The following LRRC72 variants were observed in gnomAD, a reference collection of about 807,000 sequenced individuals.
The protein encoded by LRRC72 is leucine-rich repeat-containing protein 72.
In LRRC72, 41 loss-of-function variants were observed where a neutral mutation model predicts 35.8. The observed-to-expected ratio is 1.15, with a 90% CI of 0.89 to 1.49. The LOEUF is 1.49. Ranked by LOEUF, LRRC72 falls within the 40% of genes most tolerant of loss-of-function variation. The pLI is 0.00. For synonymous variants in LRRC72, 118 were observed against 119.2 expected (o/e 0.99, Z 0.07); for missense variants, 389 against 330.7 (o/e 1.18, Z -1.37).
chr7:16,574,642 C>T (rs1205899487), intron 7 of LRRC72, among the ~76,000 whole-genome samples: 2 of 151,776 alleles, frequency 1.3e-5, no homozygotes, highest in South Asian at 2.1e-4. Context: ...ACACTGGGGC[C>T]TGTCGGGGGC....
chr7:16,542,342 G>T (rs529927038), intron 3 of LRRC72, among the ~76,000 whole-genome samples: 1 of 152,114 alleles, frequency 6.6e-6, no homozygotes, highest in Non-Finnish European at 1.5e-5. Context: ...ATTTTTTCTC[G>T]TGCTTGATTA....
intron 3 of LRRC72, among the ~76,000 whole-genome samples, chr7:16,542,450 G>C (rs138231701): frequency 6.6e-6 from 1 of 152,202 alleles, no homozygotes; most frequent in African/African-American, 2.4e-5. Flanking sequence ...TTAAGGACAT[G>C]TGCCCGTGAC....
At chr7:16,581,244 C>A in intron 8 of LRRC72, 80 bp from the exon 9 acceptor site, 1 of 1,247,088 alleles carries the variant, frequency 8.0e-7, no homozygotes, top group South Asian at 1.9e-5. Flanking sequence ...GGCATTGATT[C>A]ATTTGAATAA....
At chr7:16,575,926 T>C (rs944046518) in intron 7 of LRRC72, among the ~76,000 whole-genome samples, 2 of 152,262 alleles carry the variant, frequency 1.3e-5, no homozygotes, top group African/African-American at 2.4e-5. Context: ...ACATTTCTTT[T>C]GTTTAACCAG....
chr7:16,570,576 T>A (rs1782925708), intron 7 of LRRC72, among the ~76,000 whole-genome samples: 1 of 152,140 alleles, frequency 6.6e-6, no homozygotes, highest in African/African-American at 2.4e-5. Flanking sequence ...CCCAGCACTT[T>A]GGGAGGGCTA....
intron 7 of LRRC72, among the ~76,000 whole-genome samples, chr7:16,576,240 C>T (rs567111821): frequency 1.3e-4 from 20 of 152,164 alleles, no homozygotes; most frequent in South Asian, 4.1e-4. Context: ...ACTAATAAAA[C>T]GCGCTATGTA....
intron 2 of LRRC72, 130 bp from the exon 3 acceptor site, chr7:16,537,497 T>A (rs1221084610): frequency 6.3e-6 from 3 of 476,336 alleles, no homozygotes; most frequent in Non-Finnish European, 1.1e-5. Flanking sequence ...AGCAGGTGAG[T>A]GTGCCAATAA....
intron 1 of LRRC72, among the ~76,000 whole-genome samples, chr7:16,529,189 C>G (rs960963824): frequency 3.3e-5 from 5 of 152,212 alleles, no homozygotes; most frequent in African/African-American, 1.2e-4. Context: ...TTTCTCACAA[C>G]TGCCTTCCAC....
intron 2 of LRRC72, 131 bp downstream of exon 2, chr7:16,532,699 A>G (rs746648748): frequency 1.3e-6 from 1 of 751,740 alleles, no homozygotes; most frequent in Non-Finnish European, 2.4e-6. Flanking sequence ...TTATTTTACC[A>G]CTTCCTGGAA....
chr7:16,571,537 C>G (rs111695220), intron 7 of LRRC72, among the ~76,000 whole-genome samples: 1 of 152,134 alleles, frequency 6.6e-6, no homozygotes, highest in Non-Finnish European at 1.5e-5. Context: ...GTGCAGCCCA[C>G]GGAGGGACAG....
At chr7:16,544,999 T>C (rs1782422243) in intron 3 of LRRC72, among the ~76,000 whole-genome samples, 1 of 152,228 alleles carries the variant, frequency 6.6e-6, no homozygotes, top group Non-Finnish European at 1.5e-5. Flanking sequence ...TCACTCACAC[T>C]GACTAGAGAA....
intron 3 of LRRC72, among the ~76,000 whole-genome samples, chr7:16,543,158 T>C (rs1782386748): frequency 6.6e-6 from 1 of 152,234 alleles, no homozygotes. Flanking sequence ...ACATATAAAA[T>C]TTTAATTATG....
At chr7:16,549,583 T>C (rs769289301) in intron 3 of LRRC72, among the ~76,000 whole-genome samples, 4 of 152,186 alleles carry the variant, frequency 2.6e-5, no homozygotes, top group Non-Finnish European at 4.4e-5. Flanking sequence ...TCTCTACATC[T>C]CTACCATCAC....
chr7:16,579,389 G>T (rs1016123226), intron 7 of LRRC72, among the ~76,000 whole-genome samples: 1 of 152,160 alleles, frequency 6.6e-6, no homozygotes, highest in Admixed American at 6.5e-5. Context: ...CTTTGTGGTC[G>T]CTGCTGCTTG....
At chr7:16,532,474 A>C (rs766056420) in intron 1 of LRRC72, 21 bp from the exon 2 acceptor site, 2 of 1,532,116 alleles carry the variant, frequency 1.3e-6, no homozygotes, top group African/African-American at 1.4e-5. Flanking sequence ...GTAGTTTGAC[A>C]GATTAATTAT....
At chr7:16,563,267 A>T (rs918376484) in intron 5 of LRRC72, among the ~76,000 whole-genome samples, 7 of 152,090 alleles carry the variant, frequency 4.6e-5, no homozygotes, top group Non-Finnish European at 7.4e-5. Context: ...GGAGCCAATT[A>T]TTTAGATGGC....
chr7:16,579,205 TA>T (rs1429552148), intron 7 of LRRC72, among the ~76,000 whole-genome samples: 1 of 152,180 alleles, frequency 6.6e-6, no homozygotes, highest in Admixed American at 6.5e-5. Context: ...ATACGTATAT[TA>T]AAACATCAAG....
At chr7:16,552,529 T>C (rs751994596) in intron 3 of LRRC72, among the ~76,000 whole-genome samples, 1 of 152,234 alleles carries the variant, frequency 6.6e-6, no homozygotes, top group Non-Finnish European at 1.5e-5. Context: ...GTGTGTGATG[T>C]TGCTTAGTGC....
rs796278752 is a variant in LRRC72 at position 16,537,680 on chromosome 7, G to C, written c.218G>C (p.Trp73Ser). Residue 73 changes from tryptophan (W) to serine (S), a missense_variant, in exon 3 of 9, where the codon TGG (tryptophan) becomes TCG (serine). Transcript: ENST00000401542. The part of the protein sequence containing the change: ...LSRFKKLKYL[W>S]LHHNKLHGIT... ...AGGTTTAAAAAATTAAAATACTTAT[G>C]GCTTCATCATAACAAGGTAGTGTTT... is the stretch of plus-strand genomic sequence containing the variant. 18 of 1,512,218 alleles carry C rather than the reference G, an allele frequency of 1.2e-5. No homozygotes were observed. The Admixed American group carries it at 3.6e-4, about 30-fold the overall frequency. The allele number at this position is 1,512,218 out of a possible 1,614,324, so 93.7% of individuals were successfully genotyped here.
Sources: gnomAD v4.1 joint callset for allele counts (sites outside exome capture counted in the v4.1 genomes callset) on GRCh38, gnomAD v4.1.1 for gene constraint, MANE v1.5 for transcripts, NCBI Gene and HGNC (gene_info 2026-07-23, HGNC 2026-07-21) for gene names.